Variants in POLR3B observed in about 807,000 individuals in gnomAD.
The protein encoded by POLR3B is RNA polymerase III subunit B, also known as DNA-directed RNA polymerase III subunit RPC2.
POLR3B carries 96 observed loss-of-function variants against 147.4 expected under a neutral mutation model. The ratio of observed to expected loss-of-function variants is 0.65; its 90% CI spans 0.55 to 0.77. POLR3B has a LOEUF of 0.77. POLR3B is among the 30% of genes least tolerant of loss of function. The probability of loss-of-function intolerance (pLI) is 0.00; values close to 1 mark genes in which losing one functional copy is unlikely to be tolerated. For synonymous variants in POLR3B, 461 were observed against 485.9 expected, an observed-to-expected ratio of 0.95 and a Z score of 0.67; for missense variants, 1,036 against 1,413.5, an observed-to-expected ratio of 0.73 and a Z score of 4.28.
intron 1 of POLR3B, among the ~76,000 whole-genome samples, chr12:106,361,189 GAGT>G (rs1319639000): frequency 6.6e-6 from 1 of 152,346 alleles, no homozygotes; most frequent in East Asian, 1.9e-4. Context: ...CGAGCAGGAA[GAGT>G]AGTAAGGAAG....
intron 6 of POLR3B, among the ~76,000 whole-genome samples, chr12:106,374,495 G>C (rs1374974340): frequency 2.0e-5 from 3 of 151,548 alleles, no homozygotes; most frequent in African/African-American, 7.3e-5. Flanking sequence ...AGAATTGCAG[G>C]CATGAGCCAC....
intron 19 of POLR3B, among the ~76,000 whole-genome samples, chr12:106,447,646 A>G (rs2037741117): frequency 6.6e-6 from 1 of 152,214 alleles, no homozygotes; most frequent in Non-Finnish European, 1.5e-5. Context: ...CCAAGTTCAC[A>G]TGAGCCACAC....
At chr12:106,358,087 G>A (rs1389688499) in intron 1 of POLR3B, 136 bp downstream of exon 1, 15 of 1,525,538 alleles carry the variant, frequency 9.8e-6, no homozygotes, top group Non-Finnish European at 1.1e-5. Context: ...TGCCCAGAGC[G>A]TCGCGCTTGC....
At chr12:106,436,919 A>G in intron 16 of POLR3B, 138 bp from the exon 17 acceptor site, 1 of 721,224 alleles carries the variant, frequency 1.4e-6, no homozygotes, top group South Asian at 1.5e-5. Context: ...CCATACAAAA[A>G]TTACCTGGTG....
Position 106,369,362 on chromosome 12 carries a change from C to A in POLR3B, c.303+12C>A. On this transcript the variant is annotated intron_variant, in intron 5 of 27. Transcript: ENST00000228347. The stretch of plus-strand genomic sequence containing the variant: ...TGTCCCCTCATGAGGTAATTATGAA[C>A]CTTACTTTAATTGGACTTGTTTGCT... 2 of 1,458,202 alleles carry A rather than the reference C, an allele frequency of 1.4e-6. No individual in the cohort carries two copies. The highest frequency in any genetic ancestry group is 1.9e-6 in the Non-Finnish European group (2 of 1,037,532). The allele number at this position is 1,458,202 out of a possible 1,614,324, so 90.3% of individuals were successfully genotyped here.
intron 11 of POLR3B, chr12:106,410,426 G>C (rs1237050746): frequency 4.2e-6 from 1 of 235,984 alleles, no homozygotes; most frequent in Admixed American, 5.1e-5. Flanking sequence ...AGGACTCTAA[G>C]AGAAAGGAAG....
chr12:106,394,000 A>G (rs1456328043), intron 10 of POLR3B, among the ~76,000 whole-genome samples: 3 of 152,208 alleles, frequency 2.0e-5, no homozygotes, highest in East Asian at 3.9e-4. Flanking sequence ...CCACGTGTAC[A>G]TTGTCTATTC....
At chr12:106,457,474 A>G (rs139194722) in intron 21 of POLR3B, among the ~76,000 whole-genome samples, 178 bp downstream of exon 21, 50 of 152,296 alleles carry the variant, frequency 3.3e-4, no homozygotes, top group African/African-American at 1.2e-3. Flanking sequence ...TTTTCTATAC[A>G]CTATGTTTTT....
chr12:106,441,928 A>G (rs531193385), intron 18 of POLR3B, among the ~76,000 whole-genome samples: 65 of 152,156 alleles, frequency 4.3e-4, no homozygotes, highest in South Asian at 1.7e-3. Flanking sequence ...TAAAAATACA[A>G]AATTAGCTGG....
intron 12 of POLR3B, among the ~76,000 whole-genome samples, chr12:106,412,797 A>C (rs913684917): frequency 6.6e-6 from 1 of 152,210 alleles, no homozygotes; most frequent in Non-Finnish European, 1.5e-5. Context: ...CTTGCAGTCT[A>C]ACAAGGCAAT....
At chr12:106,442,508 T>C (rs1031634296) in intron 18 of POLR3B, among the ~76,000 whole-genome samples, 2 of 152,326 alleles carry the variant, frequency 1.3e-5, no homozygotes, top group East Asian at 3.9e-4. Flanking sequence ...CCTTCCTGCT[T>C]GTCTGAGAGG....
At chr12:106,434,021 T>C (rs1593039194) in intron 16 of POLR3B, 149 bp downstream of exon 16, 1 of 680,618 alleles carries the variant, frequency 1.5e-6, no homozygotes. Context: ...TTCATGAATA[T>C]GCATATTAGG....
At chr12:106,411,088 C>T (rs970299235) in intron 12 of POLR3B, 128 bp downstream of exon 12, 4 of 779,044 alleles carry the variant, frequency 5.1e-6, no homozygotes, top group Non-Finnish European at 8.5e-6. Context: ...CATTTCATAC[C>T]TGACTTATTA....
intron 6 of POLR3B, among the ~76,000 whole-genome samples, chr12:106,370,359 A>T (rs953674213): frequency 3.3e-5 from 5 of 152,170 alleles, no homozygotes; most frequent in East Asian, 1.9e-4. Context: ...TGAGTAAAAG[A>T]TATACAAAAT....
At chr12:106,364,259 T>C (rs1006209810) in intron 2 of POLR3B, among the ~76,000 whole-genome samples, 2 of 152,194 alleles carry the variant, frequency 1.3e-5, no homozygotes, top group Non-Finnish European at 2.9e-5. Flanking sequence ...GCAGAGAGCG[T>C]GGCTCAATCA....
chr12:106,384,663 C>T (rs1269944848), intron 9 of POLR3B, among the ~76,000 whole-genome samples: 1 of 151,964 alleles, frequency 6.6e-6, no homozygotes, highest in African/African-American at 2.4e-5. Context: ...AAGATGGCCC[C>T]CTAGTATAAT....
chr12:106,481,788 T>A (rs561041778), intron 23 of POLR3B, among the ~76,000 whole-genome samples: 198 of 152,368 alleles, frequency 1.3e-3, no homozygotes, highest in Non-Finnish European at 1.2e-3. Flanking sequence ...TATTTGTGAA[T>A]ATTCAGCACA....
intron 20 of POLR3B, among the ~76,000 whole-genome samples, chr12:106,456,729 C>T (rs1213461774): frequency 6.6e-6 from 1 of 152,130 alleles, no homozygotes; most frequent in Non-Finnish European, 1.5e-5. Flanking sequence ...CACTTAATTT[C>T]TCTAGACCTC....
chr12:106,464,998 C>T (rs919337112), intron 23 of POLR3B, among the ~76,000 whole-genome samples: 1 of 152,200 alleles, frequency 6.6e-6, no homozygotes, highest in African/African-American at 2.4e-5. Flanking sequence ...GTGAATTTGA[C>T]ACCTGTAATT....
Sources: allele counts gnomAD v4.1 joint callset (sites outside exome capture counted in the v4.1 genomes callset), GRCh38; gene constraint gnomAD v4.1.1; transcripts MANE v1.5; gene names NCBI Gene and HGNC (gene_info 2026-07-23, HGNC 2026-07-21).